ASIC2: variants seen among roughly 807,000 people sequenced by gnomAD.
ASIC2 encodes acid-sensing ion channel 2.
A neutral mutation model predicts 57.3 loss-of-function variants in ASIC2; 25 were observed. The ratio of observed to expected loss-of-function variants is 0.44; its 90% CI spans 0.32 to 0.61. ASIC2 has a LOEUF of 0.61. Ranked by LOEUF, ASIC2 falls within the 20% of genes least tolerant of loss-of-function variation. ASIC2 has a pLI of 0.06. For synonymous variants in ASIC2, 319 were observed against 307.5 expected (o/e 1.04, Z -0.39); for missense variants, 641 against 738.1 (o/e 0.87, Z 1.52).
chr17:34,044,100 T>TCA (rs542633112), intron 1 of ASIC2, among the ~76,000 whole-genome samples: 3,755 of 146,326 alleles, frequency 0.026, 120 homozygotes, highest in African/African-American at 0.073. Context: ...TACCCTTGAA[T>TCA]CACACACACA....
At position 34,125,313 on chromosome 17, in the gene ASIC2, G is replaced by A. The variant is rs377431999; in HGVS notation, c.555+30665C>T. ...TGGCACACAATGTGTATACGTGTGC[G>A]CATGTGTGTGTGGTTTATATTGTTT... On this transcript the variant is annotated intron_variant, in intron 1 of 9. Coordinates refer to the ASIC2 transcript ENST00000359872. 3.5e-4 allele frequency among the ~76,000 whole-genome samples: 54 copies of A among 152,174 alleles called. 1 individual carries two copies. Among genetic ancestry groups the A allele is most frequent in the Middle Eastern group, 3.4e-3 (1 of 294 alleles).
chr17:33,315,185 A>G (rs184778154), intron 1 of ASIC2, among the ~76,000 whole-genome samples: 6 of 152,320 alleles, frequency 3.9e-5, no homozygotes, highest in Admixed American at 1.3e-4. Flanking sequence ...ATGTCACAAC[A>G]GTGTCTGGTA....
Position 34,030,559 on chromosome 17 carries a change from T to C in ASIC2, c.555+125419A>G, listed in dbSNP as rs568721041. Among the ~76,000 whole-genome samples the C allele has an allele frequency of 7.2e-5, 11 of 152,266 alleles. No homozygotes were observed. In the East Asian group the frequency reaches 1.5e-3, roughly 21 times the overall value. On this transcript the variant is annotated intron_variant, in intron 1 of 9. Coordinates refer to the ASIC2 transcript ENST00000359872. ...GCGCGAGCTGAAGTAGGGCGAGGCA[T>C]CGCCTCACCTGGGAAGCTCAAGGGG... is the stretch of plus-strand genomic sequence containing the variant.
At chr17:33,855,515 A>G (rs79286202) in intron 1 of ASIC2, among the ~76,000 whole-genome samples, 1,705 of 152,252 alleles carry the variant, frequency 0.011, 36 homozygotes, top group African/African-American at 0.038. Context: ...AGTTAAGAGG[A>G]TAATTCTTTG....
chr17:33,752,572 C>G (rs954189348), intron 1 of ASIC2, among the ~76,000 whole-genome samples: 1 of 152,060 alleles, frequency 6.6e-6, no homozygotes, highest in Non-Finnish European at 1.5e-5. Context: ...GACATCTCAC[C>G]GAAGAAAAGA....
chr17:33,088,690 T>A (rs1168478187), intron 3 of ASIC2, among the ~76,000 whole-genome samples, 173 bp downstream of exon 3: 2 of 152,216 alleles, frequency 1.3e-5, no homozygotes, highest in South Asian at 2.1e-4. Context: ...ATGCCCAATT[T>A]TAGGGAACAA....
intron 1 of ASIC2, among the ~76,000 whole-genome samples, chr17:33,479,376 A>G (rs1312357863): frequency 1.3e-5 from 2 of 151,846 alleles, no homozygotes; most frequent in Non-Finnish European, 2.9e-5. Context: ...AAGAGCCTAA[A>G]TGATAAGATT....
chr17:33,845,532 T>C (rs549838181), intron 1 of ASIC2, among the ~76,000 whole-genome samples: 23 of 151,532 alleles, frequency 1.5e-4, no homozygotes, highest in Non-Finnish European at 2.6e-4. Context: ...AACTACATAA[T>C]TGTATGACTT....
intron 1 of ASIC2, among the ~76,000 whole-genome samples, chr17:33,470,385 G>GC (rs112933555): frequency 8.5e-5 from 13 of 152,302 alleles, no homozygotes; most frequent in African/African-American, 3.1e-4. Flanking sequence ...TAGTGATAAA[G>GC]CCCCCAGGTG....
At chr17:33,205,396 G>A (rs144908958) in intron 1 of ASIC2, among the ~76,000 whole-genome samples, 53 of 152,254 alleles carry the variant, frequency 3.5e-4, no homozygotes, top group Middle Eastern at 6.8e-3. Context: ...AGGACAAAAA[G>A]GTTTTCAGTT....
At chr17:34,078,395 G>A (rs1210365435) in intron 1 of ASIC2, among the ~76,000 whole-genome samples, 2 of 152,074 alleles carry the variant, frequency 1.3e-5, no homozygotes, top group Admixed American at 6.5e-5. Context: ...ATGAGGGGGC[G>A]AAAGAACATA....
intron 1 of ASIC2, among the ~76,000 whole-genome samples, chr17:33,879,265 C>T (rs1213682400): frequency 1.3e-5 from 2 of 152,084 alleles, no homozygotes; most frequent in Non-Finnish European, 2.9e-5. Context: ...CAATATTAAC[C>T]TTAAATGTAA....
At chr17:33,694,270 C>T (rs1274282229) in intron 1 of ASIC2, among the ~76,000 whole-genome samples, 1 of 152,166 alleles carries the variant, frequency 6.6e-6, no homozygotes, top group Non-Finnish European at 1.5e-5. Flanking sequence ...TTGAGTTCTT[C>T]ATATGAAAAT....
chr17:33,267,992 T>G (rs1237593031), intron 1 of ASIC2, among the ~76,000 whole-genome samples: 2 of 152,192 alleles, frequency 1.3e-5, no homozygotes, highest in Admixed American at 1.3e-4. Flanking sequence ...TCACCGTGCA[T>G]GCGTAAAGGG....
chr17:33,787,406 C>T (rs944108367), intron 1 of ASIC2, among the ~76,000 whole-genome samples: 2 of 152,132 alleles, frequency 1.3e-5, no homozygotes, highest in African/African-American at 2.4e-5. Flanking sequence ...TCTAGTGTTC[C>T]CTTCAGAGCA....
At chr17:34,102,850 C>T (rs886099717) in intron 1 of ASIC2, among the ~76,000 whole-genome samples, 17 of 152,272 alleles carry the variant, frequency 1.1e-4, no homozygotes, top group African/African-American at 3.4e-4. Context: ...TTCCTCTTAA[C>T]GGTTTAAGAA....
chr17:33,742,220 C>T (rs1303097452), intron 1 of ASIC2, among the ~76,000 whole-genome samples: 1 of 152,174 alleles, frequency 6.6e-6, no homozygotes, highest in African/African-American at 2.4e-5. Flanking sequence ...GCTGCCCACG[C>T]CCCATTTGTT....
chr17:33,128,357 T>C (rs16968063), intron 1 of ASIC2, among the ~76,000 whole-genome samples: 2,567 of 152,346 alleles, frequency 0.017, 72 homozygotes, highest in African/African-American at 0.059. Flanking sequence ...TATTTGTGTG[T>C]TCAGCTGATT....
intron 1 of ASIC2, chr17:33,581,246 T>C (rs1017963867): frequency 1.4e-4 from 21 of 152,182 alleles, no homozygotes; most frequent in African/African-American, 5.1e-4. Flanking sequence ...CAGGAGGCCA[T>C]GAGCCAAGGA....
Sources: gnomAD v4.1 joint callset for allele counts (sites outside exome capture counted in the v4.1 genomes callset) on GRCh38, gnomAD v4.1.1 for gene constraint, MANE v1.5 for transcripts, NCBI Gene and HGNC (gene_info 2026-07-23, HGNC 2026-07-21) for gene names.